The following FSTL5 variants were observed in gnomAD, a reference collection of about 807,000 sequenced individuals.
FSTL5 encodes follistatin-related protein 5.
A neutral mutation model predicts 89.1 loss-of-function variants in FSTL5; 62 were observed. That is an observed-to-expected ratio of 0.70 (90% CI 0.57 to 0.86). The LOEUF is 0.86. FSTL5 is among the 40% of genes least tolerant of loss of function. FSTL5 has a pLI of 0.00. For synonymous variants in FSTL5, 383 were observed against 346.2 expected (o/e 1.11, Z -1.18); for missense variants, 1,057 against 1,001.6 (o/e 1.06, Z -0.75).
chr4:161,842,304 C>A (rs1045913994), intron 4 of FSTL5, among the ~76,000 whole-genome samples: 16 of 152,144 alleles, frequency 1.1e-4, no homozygotes, highest in African/African-American at 3.1e-4. Flanking sequence ...ACAGTTATAG[C>A]AAACTAACTA....
At chr4:161,483,998 C>CA (rs1729599294) in intron 12 of FSTL5, among the ~76,000 whole-genome samples, 1 of 151,974 alleles carries the variant, frequency 6.6e-6, no homozygotes, top group South Asian at 2.1e-4. Context: ...ATATTTCCTA[C>CA]ATATGTATTA....
chr4:161,847,626 C>T (rs1665350100), intron 4 of FSTL5, among the ~76,000 whole-genome samples: 1 of 151,978 alleles, frequency 6.6e-6, no homozygotes, highest in Admixed American at 6.6e-5. Flanking sequence ...TTCTCCCTTT[C>T]TTTGAGTGGA....
intron 1 of FSTL5, among the ~76,000 whole-genome samples, chr4:162,144,404 C>T (rs1475556803): frequency 6.6e-6 from 1 of 152,160 alleles, no homozygotes; most frequent in East Asian, 1.9e-4. Context: ...TCCTACAAGG[C>T]TATTCCAAAT....
At chr4:161,622,940 C>T (rs575761436) in intron 7 of FSTL5, among the ~76,000 whole-genome samples, 12 of 151,936 alleles carry the variant, frequency 7.9e-5, no homozygotes, top group Non-Finnish European at 1.2e-4. Context: ...TGGGAACAGA[C>T]GTGAGGCTTT....
chr4:161,682,071 A>G (rs1020004042), intron 6 of FSTL5, among the ~76,000 whole-genome samples: 2 of 152,218 alleles, frequency 1.3e-5, no homozygotes, highest in Middle Eastern at 3.2e-3. Flanking sequence ...CACAATGGAC[A>G]GCATTTGTGT....
At chr4:161,727,060 A>T (rs1488809329) in intron 6 of FSTL5, among the ~76,000 whole-genome samples, 1 of 152,192 alleles carries the variant, frequency 6.6e-6, no homozygotes, top group African/African-American at 2.4e-5. Flanking sequence ...TTAAAGAGAT[A>T]TTCTGATGGT....
chr4:161,729,174 C>A (rs1485224634), intron 6 of FSTL5, among the ~76,000 whole-genome samples: 2 of 152,196 alleles, frequency 1.3e-5, no homozygotes, highest in Non-Finnish European at 2.9e-5. Context: ...ACCCTTACCG[C>A]CTCCCCTACA....
chr4:161,901,570 G>A (rs1051410382), intron 4 of FSTL5, among the ~76,000 whole-genome samples: 8 of 152,098 alleles, frequency 5.3e-5, no homozygotes, highest in South Asian at 2.1e-4. Context: ...TTAGATAATC[G>A]CGTATGTCTT....
At position 161,789,601 on chromosome 4, in the gene FSTL5, G is replaced by A. The variant is rs935601541; in HGVS notation, c.410-13527C>T. 8.6e-5 allele frequency among the ~76,000 whole-genome samples: 13 copies of A among 152,026 alleles called. No individual in the cohort carries two copies. The South Asian group carries it at 2.7e-3, about 32-fold the overall frequency. Reference sequence around the variant, plus strand: ...ACATTTGTGGCTTTTTGCCTTCTTTGAGCTGATTATAACATCTGCCTCGTT... The same window carrying A: ...ACATTTGTGGCTTTTTGCCTTCTTTAAGCTGATTATAACATCTGCCTCGTT... On this transcript the variant is annotated intron_variant, in intron 4 of 15. Transcript: ENST00000306100.
At chr4:161,403,695 T>C (rs974819188) in intron 15 of FSTL5, among the ~76,000 whole-genome samples, 1 of 152,180 alleles carries the variant, frequency 6.6e-6, no homozygotes, top group African/African-American at 2.4e-5. Flanking sequence ...GGAAAAATCA[T>C]ATGCCAAAAA....
intron 10 of FSTL5, 59 bp from the exon 11 acceptor site, chr4:161,510,483 A>G: frequency 4.3e-6 from 4 of 932,744 alleles, no homozygotes; most frequent in South Asian, 1.6e-5. Context: ...AGCTTTTGCT[A>G]TATGGTAATA....
At chr4:161,746,945 G>C (rs1740222893) in intron 6 of FSTL5, among the ~76,000 whole-genome samples, 1 of 152,020 alleles carries the variant, frequency 6.6e-6, no homozygotes, top group Non-Finnish European at 1.5e-5. Context: ...TGTCCTCTTG[G>C]ATATTGTCCC....
At chr4:161,986,110 A>G (rs1431284796) in intron 3 of FSTL5, among the ~76,000 whole-genome samples, 1 of 152,154 alleles carries the variant, frequency 6.6e-6, no homozygotes. Context: ...AAAGTAATTA[A>G]ATCACAGTGT....
At chr4:161,728,362 A>G (rs1204899645) in intron 6 of FSTL5, among the ~76,000 whole-genome samples, 1 of 152,192 alleles carries the variant, frequency 6.6e-6, no homozygotes, top group Non-Finnish European at 1.5e-5. Context: ...ACATTTAGCT[A>G]AACAGAATTT....
intron 8 of FSTL5, among the ~76,000 whole-genome samples, chr4:161,553,987 T>A (rs561554930): frequency 1.3e-5 from 2 of 151,574 alleles, no homozygotes; most frequent in Non-Finnish European, 3.0e-5. Context: ...AATAATCAGA[T>A]ACTATATACA....
chr4:161,531,942 C>T (rs554404567), intron 10 of FSTL5, among the ~76,000 whole-genome samples: 287 of 152,190 alleles, frequency 1.9e-3, no homozygotes, highest in Non-Finnish European at 3.2e-3. Flanking sequence ...TGGTGGCTCA[C>T]GCCTATAATC....
intron 3 of FSTL5, among the ~76,000 whole-genome samples, chr4:161,995,773 T>G (rs72693224): frequency 0.16 from 23,678 of 151,638 alleles, 1,952 homozygotes; most frequent in East Asian, 0.21. Flanking sequence ...ATGAGTTTTT[T>G]TTTTTTTTTT....
In FSTL5 at chr4:161,669,059, C is replaced by T. The variant is rs559817391; in HGVS notation, c.728-12565G>A. ...TCCAGGAGGCAGAGGTTGCAGTGAACTGAGATTCCGCCACGGCCCTCCAGC... is the reference window on the plus strand; with the variant it reads ...TCCAGGAGGCAGAGGTTGCAGTGAATTGAGATTCCGCCACGGCCCTCCAGC... On this transcript the variant is annotated intron_variant, in intron 6 of 15. Coordinates refer to ENST00000306100, the MANE Select transcript of FSTL5 (RefSeq NM_020116.5). Among the ~76,000 whole-genome samples the T allele has an allele frequency of 1.1e-4, 16 of 144,112 alleles. No individual in the cohort carries two copies. The South Asian group carries it at 3.0e-3, about 27-fold the overall frequency. The allele number at this position is 144,112 out of a possible 152,430, so 94.5% of individuals were successfully genotyped here.
At chr4:161,855,743 G>A (rs1731701233) in intron 4 of FSTL5, among the ~76,000 whole-genome samples, 1 of 152,064 alleles carries the variant, frequency 6.6e-6, no homozygotes, top group South Asian at 2.1e-4. Flanking sequence ...TTGCACTAAA[G>A]TTAATTTTAT....
Sources: gnomAD v4.1 joint callset for allele counts (sites outside exome capture counted in the v4.1 genomes callset) on GRCh38, gnomAD v4.1.1 for gene constraint, MANE v1.5 for transcripts, NCBI Gene and HGNC (gene_info 2026-07-23, HGNC 2026-07-21) for gene names.